Variants in OSBPL5 observed in about 807,000 individuals in gnomAD.
The protein encoded by OSBPL5 is oxysterol binding protein like 5.
Under a neutral mutation model 111.2 loss-of-function variants are expected in OSBPL5, and 71 were observed. The ratio of observed to expected loss-of-function variants is 0.64; its 90% confidence interval spans 0.53 to 0.78. The LOEUF is 0.78. OSBPL5 is among the 30% of genes least tolerant of loss of function. OSBPL5 has a pLI of 0.00. For synonymous variants in OSBPL5, 549 were observed against 513.9 expected (o/e 1.07, Z -0.93); for missense variants, 1,210 against 1,189.3 (o/e 1.02, Z -0.26).
In OSBPL5 at chr11:3,105,987, T is replaced by C. The variant is rs1297644043; in HGVS notation, c.1059+1276A>G. 6.6e-6 allele frequency among the ~76,000 whole-genome samples: 1 copy of C among 152,082 alleles called. No homozygotes were observed. Among genetic ancestry groups the C allele is most frequent in the Admixed American group, 6.5e-5 (1 of 15,282 alleles). On this transcript the variant is annotated intron_variant, in intron 9 of 21. Transcript: ENST00000263650. The surrounding 1 kb of genome is among the most constrained non-coding windows in gnomAD (Gnocchi z 5.2). ...GGTCTTCCCTACGGGTGGCCCAGTGTCCACCCCCGCCCCTCGGCTGTCCCG... is the reference window on the plus strand; with the variant it reads ...GGTCTTCCCTACGGGTGGCCCAGTGCCCACCCCCGCCCCTCGGCTGTCCCG...
Position 3,088,015 on chromosome 11 carries a change from G to A in OSBPL5, c.*190C>T. 2 of 491,880 alleles carry A rather than the reference G, an allele frequency of 4.1e-6. No homozygotes were observed. Among genetic ancestry groups the A allele is most frequent in the Non-Finnish European group, 7.0e-6 (2 of 287,358 alleles). 30.5% of individuals were successfully genotyped at this position (491,880 alleles called of 1,614,324 possible). ...GGCGGAAGGCCCTGCAGAGAGGCCA[G>A]TGCCCCTGAGAGGGGCCCAGCACAC... On this transcript the variant is annotated 3_prime_UTR_variant, in exon 22 of 22. Coordinates refer to ENST00000263650, the MANE Select transcript of OSBPL5 (RefSeq NM_020896.4).
chr11:3,148,866 A>G (rs1258425688), intron 1 of OSBPL5, among the ~76,000 whole-genome samples: 2 of 152,242 alleles, frequency 1.3e-5, no homozygotes, highest in Non-Finnish European at 2.9e-5. Flanking sequence ...AGTAACCGGC[A>G]CAAGATAAAA....
intron 7 of OSBPL5, among the ~76,000 whole-genome samples, chr11:3,116,854 C>CAAAAAAAAAAAAAAA (rs371907970): frequency 1.3e-5 from 1 of 75,500 alleles, no homozygotes; most frequent in African/African-American, 4.5e-5. Context: ...GACTCCATCA[C>CAAAAAAAAAAAAAAA]AAAAAAAAAA....
chr11:3,123,560 G>A (rs1418538391), intron 3 of OSBPL5, among the ~76,000 whole-genome samples: 4 of 152,238 alleles, frequency 2.6e-5, no homozygotes, highest in South Asian at 2.1e-4. Context: ...GCCTTTTCCA[G>A]AGAAAGCGTG....
In OSBPL5 at chr11:3,110,201, C is replaced by T. The variant is rs964514385; in HGVS notation, c.692-2256G>A. 6.6e-6 allele frequency among the ~76,000 whole-genome samples: 1 copy of T among 152,140 alleles called. No individual in the cohort carries two copies. Among genetic ancestry groups the T allele is most frequent in the Non-Finnish European group, 1.5e-5 (1 of 68,024 alleles). On this transcript the variant is annotated intron_variant, in intron 7 of 21. Transcript: ENST00000263650. The surrounding 1 kb of genome is among the most constrained non-coding windows in gnomAD (Gnocchi z 5.3). ...TGGTCAAGGCCAGACTGCTTTAGGT[C>T]TGCACCACCGGCGGGATGGGAGCCC...
intron 1 of OSBPL5, among the ~76,000 whole-genome samples, chr11:3,153,947 C>A (rs1414568070): frequency 6.6e-6 from 1 of 152,258 alleles, no homozygotes; most frequent in Non-Finnish European, 1.5e-5. Context: ...AAGGTGGCTG[C>A]AGCTGGGAGC....
chr11:3,111,036 C>T lies in OSBPL5; in HGVS notation c.692-3091G>A, dbSNP rs112169160. ...CACTGAAGGATTCTGAGTGGAGATG[C>T]CCCTGACTTTTCACAAGTCTCCTAT... On this transcript the variant is annotated intron_variant, in intron 7 of 21. Transcript: ENST00000263650. Among the ~76,000 whole-genome samples the T allele has an allele frequency of 8.2e-3, 1,253 of 152,150 alleles. 10 individuals are homozygous for T. Among genetic ancestry groups the T allele is most frequent in the Non-Finnish European group, 0.012 (849 of 67,984 alleles).
Position 3,104,989 on chromosome 11 carries a change from C to T in OSBPL5, c.1060-612G>A, listed in dbSNP as rs912172398. 2.0e-5 allele frequency among the ~76,000 whole-genome samples: 3 copies of T among 152,164 alleles called. No homozygotes were observed. The highest frequency in any genetic ancestry group is 1.9e-4 in the East Asian group (1 of 5,186). On this transcript the variant is annotated intron_variant, in intron 9 of 21. Coordinates refer to ENST00000263650, the MANE Select transcript of OSBPL5 (RefSeq NM_020896.4). The surrounding 1 kb of genome is among the most constrained non-coding windows in gnomAD (Gnocchi z 5.0). The stretch of plus-strand genomic sequence containing the variant: ...ACTTCCGAAGCCTGTGTGCCCCTCA[C>T]GAAGGCCCCCTCATCTCTTCCTTTT...
chr11:3,115,887 T>TTA (rs34428005), intron 7 of OSBPL5, among the ~76,000 whole-genome samples: 2 of 151,506 alleles, frequency 1.3e-5, no homozygotes, highest in African/African-American at 2.4e-5. Context: ...TTTTTTTTTT[T>TTA]AAATCCTTGA....
At position 3,140,954 on chromosome 11, in the gene OSBPL5, G is replaced by A. The variant is rs542634464; in HGVS notation, c.-21-11785C>T. ...ACCTCAGAGCCACTCCTTCCCCGAT[G>A]CCATCTGTCAAGGGTCAGGGGTCAC... On this transcript the variant is annotated intron_variant, in intron 1 of 21. Coordinates refer to ENST00000263650, the MANE Select transcript of OSBPL5 (RefSeq NM_020896.4). The surrounding 1 kb of genome is among the most constrained non-coding windows in gnomAD (Gnocchi z 4.5). Among the ~76,000 whole-genome samples, 7 of 152,124 alleles carry A rather than the reference G, an allele frequency of 4.6e-5. No individual in the cohort carries two copies. In the South Asian group the frequency reaches 1.2e-3, roughly 27 times the overall value.
Position 3,107,624 on chromosome 11 carries a change from G to T in OSBPL5, c.866+147C>A, listed in dbSNP as rs1857752850. On this transcript the variant is annotated intron_variant, in intron 8 of 21. Coordinates refer to ENST00000263650, the MANE Select transcript of OSBPL5 (RefSeq NM_020896.4). This position sits in a 1 kb window ranked among gnomAD's most constrained non-coding sequence, Gnocchi z 6.1. ...CCCCGTTTTAGAGGAAGGAACCGAG[G>T]CTCCCAGGGCACACTGCAGCGAACA... 1 of 1,355,742 alleles carries T rather than the reference G, an allele frequency of 7.4e-7. No homozygotes were observed. Among genetic ancestry groups the T allele is most frequent in the Non-Finnish European group, 1.0e-6 (1 of 986,248 alleles). The allele number at this position is 1,355,742 out of a possible 1,614,324, so 84.0% of individuals were successfully genotyped here. A position where few individuals can be genotyped will look rare whatever the true frequency, so the allele number is the denominator to read the frequency against.
Position 3,165,086 on chromosome 11 carries a change from C to A in OSBPL5, c.-22+130G>T, listed in dbSNP as rs1356945511. On this transcript the variant is annotated intron_variant, in intron 1 of 21. Transcript: ENST00000263650. The surrounding 1 kb of genome is among the most constrained non-coding windows in gnomAD (Gnocchi z 7.4). ...GGTCCGCGGGGCTGCGGCGCGAGCT[C>A]CTGGATCCCTTCGGCCGGCCCCCCG... 1 of 150,806 alleles carries A rather than the reference C, an allele frequency of 6.6e-6. No homozygotes were observed. Among genetic ancestry groups the A allele is most frequent in the African/African-American group, 2.4e-5 (1 of 41,288 alleles). The allele number at this position is 150,806 out of a possible 1,614,324, so 9.3% of individuals were successfully genotyped here.
chr11:3,120,776 C>A, intron 5 of OSBPL5, 152 bp from the exon 6 acceptor site: 1 of 796,564 alleles, frequency 1.3e-6, no homozygotes, highest in Non-Finnish European at 2.0e-6. Flanking sequence ...TCGGAACTCA[C>A]CCCTTCCTCA....
chr11:3,141,084 G>A lies in OSBPL5; in HGVS notation c.-21-11915C>T, dbSNP rs1387936104. On this transcript the variant is annotated intron_variant, in intron 1 of 21. Transcript: ENST00000263650. The surrounding 1 kb of genome is among the most constrained non-coding windows in gnomAD (Gnocchi z 6.5). ...TTGTACGAAGAGGCCCCCAAAACAGGAATAAAAACCACCTAACAACAGAAA... is the reference window on the plus strand; with the variant it reads ...TTGTACGAAGAGGCCCCCAAAACAGAAATAAAAACCACCTAACAACAGAAA... 6.7e-6 allele frequency among the ~76,000 whole-genome samples: 1 copy of A among 148,544 alleles called. No individual in the cohort carries two copies. The highest frequency in any genetic ancestry group is 2.6e-5 in the African/African-American group (1 of 39,210).
chr11:3,126,500 G>C lies in OSBPL5; in HGVS notation c.192C>G (p.Thr64=), dbSNP rs1858631808. 2 of 1,609,928 alleles carry C rather than the reference G, an allele frequency of 1.2e-6. No individual in the cohort carries two copies. The highest frequency in any genetic ancestry group is 8.5e-7 in the Non-Finnish European group (1 of 1,178,786). The change falls in exon 3 of 22, where the codon ACC becomes ACG. Residue 64 remains threonine (T), a synonymous_variant. Transcript: ENST00000263650. This position sits in a 1 kb window ranked among gnomAD's most constrained non-coding sequence, Gnocchi z 6.5. ...PSLPRDEGPP[T]PSSATKVPPA... ...GTGGCACCTTCGTGGCAGAGCTTGG[G>C]GTCGGGGGCCCTTCATCCCTGGGCA... is the stretch of plus-strand genomic sequence containing the variant.
intron 19 of OSBPL5, 118 bp from the exon 20 acceptor site, chr11:3,090,814 G>T: frequency 6.0e-6 from 8 of 1,336,954 alleles, no homozygotes; most frequent in Admixed American, 2.4e-5. Flanking sequence ...AGCAGGGAGG[G>T]CAGCTGCTGG....
rs774192603 is a variant in OSBPL5, at chr11:3,114,591, A to ACTTTTTTTTTT, written c.691+4955_691+4956insAAAAAAAAAAG. 8.4e-4 allele frequency among the ~76,000 whole-genome samples: 96 copies of ACTTTTTTTTTT among 113,904 alleles called. 39 individuals carry two copies. Among genetic ancestry groups the ACTTTTTTTTTT allele is most frequent in the African/African-American group, 3.3e-3 (94 of 28,412 alleles). 74.7% of individuals were successfully genotyped at this position (113,904 alleles called of 152,430 possible). A position where few individuals can be genotyped will look rare whatever the true frequency, so the allele number is the denominator to read the frequency against. ...GACTAAAGAATTGGTTAGAACAATGATTTTTTTTTTTTTTTTTTTTTTTTT... is the reference window on the plus strand; with the variant it reads ...GACTAAAGAATTGGTTAGAACAATGACTTTTTTTTTTTTTTTTTTTTTTTTTTTTTTTTTTT... On this transcript the variant is annotated intron_variant, in intron 7 of 21. Coordinates refer to ENST00000263650, the MANE Select transcript of OSBPL5 (RefSeq NM_020896.4).
rs749195547 is a variant in OSBPL5 at position 3,104,379 on chromosome 11, T to G, written c.1060-2A>C. The G allele has an allele frequency of 1.2e-6, 2 of 1,607,750 alleles. No individual in the cohort carries two copies. The highest frequency in any genetic ancestry group is 1.7e-6 in the Non-Finnish European group (2 of 1,179,490). ...CTCCACCTGGGACGCCTCGCCCAGC[T>G]GCAGCAGACAGGCTGCAGTCAGGCC... On this transcript the variant is annotated splice_acceptor_variant, in intron 9 of 21. Coordinates refer to ENST00000263650, the MANE Select transcript of OSBPL5 (RefSeq NM_020896.4). LOFTEE classifies it high-confidence loss of function. This position sits in a 1 kb window ranked among gnomAD's most constrained non-coding sequence, Gnocchi z 5.0.
intron 7 of OSBPL5, among the ~76,000 whole-genome samples, chr11:3,112,067 G>GTGCGCGCA (rs1564837662): frequency 1.1e-3 from 89 of 77,536 alleles, no homozygotes; most frequent in African/African-American, 3.2e-3. Context: ...ATGTGTATGT[G>GTGCGCGCA]TGTGTGCATG....
Sources: gnomAD v4.1 joint callset for allele counts (sites outside exome capture counted in the v4.1 genomes callset) on GRCh38, gnomAD v4.1.1 for gene constraint, Gnocchi (gnomAD v3.1) non-coding constraint, MANE v1.5 for transcripts, NCBI Gene and HGNC (gene_info 2026-07-23, HGNC 2026-07-21) for gene names.